Variants in EPRS1 observed in about 807,000 individuals in gnomAD.
The protein encoded by EPRS1 is bifunctional glutamate/proline--tRNA ligase.
Under a neutral mutation model 188.3 loss-of-function variants are expected in EPRS1, and 107 were observed. The ratio of observed to expected loss-of-function variants is 0.57; its 90% CI spans 0.49 to 0.67. EPRS1 has a LOEUF of 0.67. Among genes scored for constraint, EPRS1 ranks in the 30% least tolerant of loss-of-function variants. The probability of loss-of-function intolerance (pLI) is 0.00; values close to 1 mark genes in which losing one functional copy is unlikely to be tolerated. For synonymous variants in EPRS1, 596 were observed against 593.1 expected (o/e 1.00, Z -0.07); for missense variants, 1,577 against 1,802.2 (o/e 0.88, Z 2.26).
chr1:220,003,969 G>A (rs570127513), intron 16 of EPRS1, among the ~76,000 whole-genome samples: 51 of 152,286 alleles, frequency 3.3e-4, no homozygotes, highest in African/African-American at 1.2e-3. Context: ...AAGAGACGCC[G>A]TAACATGAAA....
At chr1:219,970,070 C>T (rs1660635509) in intron 30 of EPRS1, among the ~76,000 whole-genome samples, 1 of 152,198 alleles carries the variant, frequency 6.6e-6, no homozygotes, top group African/African-American at 2.4e-5. Flanking sequence ...AGTCCACCCA[C>T]CTCGGCCTCC....
chr1:220,003,996 C>G (rs983838891), intron 16 of EPRS1, among the ~76,000 whole-genome samples: 1 of 152,142 alleles, frequency 6.6e-6, no homozygotes, highest in African/African-American at 2.4e-5. Context: ...GCATATCAAA[C>G]TCAAAAGTTT....
At chr1:219,993,968 C>T (rs920405401) in intron 18 of EPRS1, among the ~76,000 whole-genome samples, 9 of 152,180 alleles carry the variant, frequency 5.9e-5, no homozygotes, top group African/African-American at 2.2e-4. Flanking sequence ...AGGCTAAATG[C>T]GTTCCATTCC....
intron 18 of EPRS1, among the ~76,000 whole-genome samples, chr1:219,989,974 C>G (rs1661087793): frequency 6.6e-6 from 1 of 151,850 alleles, no homozygotes; most frequent in Non-Finnish European, 1.5e-5. Context: ...AAATTTCCAC[C>G]AGCTAAAATA....
rs117764137 is a variant in EPRS1 at position 220,007,693 on chromosome 1, C to T, written c.1606-355G>A. Among the ~76,000 whole-genome samples, 269 of 152,334 alleles carry T rather than the reference C, an allele frequency of 1.8e-3. 7 individuals carry two copies. The East Asian group carries it at 0.044, about 25-fold the overall frequency. On this transcript the variant is annotated intron_variant, in intron 13 of 31. Coordinates refer to ENST00000366923, the MANE Select transcript of EPRS1 (RefSeq NM_004446.3). ...CTAAGATTACTTCCAGCCTACAAGACTCATTGATTTCACAGCTAAGACAGT... is the reference window on the plus strand; with the variant it reads ...CTAAGATTACTTCCAGCCTACAAGATTCATTGATTTCACAGCTAAGACAGT...
In EPRS1 at chr1:220,005,256, T is replaced by C. The variant is rs1263586976; in HGVS notation, c.2055A>G (p.Glu685=). The C allele has an allele frequency of 1.4e-6, 2 of 1,474,458 alleles. No individual in the cohort carries two copies. The highest frequency in any genetic ancestry group is 2.8e-5 in the African/African-American group (2 of 71,244). 91.3% of individuals were successfully genotyped at this position (1,474,458 alleles called of 1,614,324 possible). A position where few individuals can be genotyped will look rare whatever the true frequency, so the allele number is the denominator to read the frequency against. Residue 685 remains glutamate, a synonymous_variant, in exon 16 of 32, where the codon GAA becomes GAG. Transcript: ENST00000366923. ...RGFFICDQPY[E]PVSPYSCKEA... is the part of the protein sequence containing the mutation. ...CAGTTACATTTACTTACCTAACAGG[T>C]TCATAAGGTTGATCACATATGAAGA...
Position 219,968,889 on chromosome 1 carries a change from G to A in EPRS1, c.4456C>T (p.Leu1486Phe), listed in dbSNP as rs199545183. Residue 1486 changes from leucine to phenylalanine, a missense_variant, in exon 32 of 32, where the codon CTC becomes TTC. By Grantham distance (22) the Leu-to-Phe change is conservative. Coordinates refer to ENST00000366923, the MANE Select transcript of EPRS1 (RefSeq NM_004446.3). ...AKSLCIPFKP[L>F]CELQPGAKCV... ...TTGGCTCCAGGCTGCAGTTCACAGA[G>A]TGGTTTGAAGGGGATGCAAAGGCTT... The A allele has an allele frequency of 1.4e-4, 224 of 1,614,132 alleles. 1 individual carries two copies. In the Middle Eastern group the frequency reaches 5.4e-3, roughly 39 times the overall value.
chr1:219,987,150 T>C lies in EPRS1; in HGVS notation c.3030A>G (p.Lys1010=). 1 of 1,606,968 alleles carries C rather than the reference T, an allele frequency of 6.2e-7. No individual in the cohort carries two copies. The highest frequency in any genetic ancestry group is 2.2e-5 in the East Asian group (1 of 44,864). Residue 1010 remains lysine, a synonymous_variant, in exon 20 of 32, where the codon AAA becomes AAG. Transcript: ENST00000366923. ...TTTCTGCGATTCATTACCTGGTCTG[T>C]TTCTTAGGCCCCTGCCCTTCTCCTG... The part of the protein sequence containing the change: ...SGAGEGQGPK[K]QTRLGLEAKK...
At chr1:220,021,862 GT>G (rs11323724) in intron 9 of EPRS1, among the ~76,000 whole-genome samples, 128,377 of 148,972 alleles carry the variant, frequency 0.86, 55,622 homozygotes, top group African/African-American at 0.96. Flanking sequence ...ATAAAGTAGG[GT>G]TTTTTTTTTT....
At chr1:220,006,642 T>G (rs1412816729) in intron 14 of EPRS1, among the ~76,000 whole-genome samples, 1 of 152,180 alleles carries the variant, frequency 6.6e-6, no homozygotes, top group Admixed American at 6.5e-5. Context: ...TTATAAAATT[T>G]GAATTACTAT....
At chr1:219,982,242 C>T (rs749541303) in intron 23 of EPRS1, among the ~76,000 whole-genome samples, 7 of 152,126 alleles carry the variant, frequency 4.6e-5, no homozygotes, top group African/African-American at 1.4e-4. Context: ...ATTTACCATA[C>T]GTAATTTCAG....
chr1:220,023,386 T>G (rs953018826), intron 8 of EPRS1, among the ~76,000 whole-genome samples: 1 of 152,208 alleles, frequency 6.6e-6, no homozygotes, highest in Non-Finnish European at 1.5e-5. Context: ...TATAACTATT[T>G]TAATTTACTA....
At chr1:219,994,640 CTTTTTTTTT>C (rs71169424) in intron 18 of EPRS1, among the ~76,000 whole-genome samples, 1 of 109,494 alleles carries the variant, frequency 9.1e-6, no homozygotes, top group African/African-American at 3.6e-5. Flanking sequence ...GTAACTTCTT[CTTTTTTTTT>C]TTTTTTTTTT....
chr1:220,039,544 A>G (rs913336000), intron 2 of EPRS1, among the ~76,000 whole-genome samples: 1 of 147,550 alleles, frequency 6.8e-6, no homozygotes, highest in Non-Finnish European at 1.5e-5. Flanking sequence ...TTTGAGACAG[A>G]GTCTAACTCT....
At chr1:220,022,258 C>T (rs1661891565) in intron 9 of EPRS1, 89 bp downstream of exon 9, 2 of 1,175,202 alleles carry the variant, frequency 1.7e-6, no homozygotes, top group Non-Finnish European at 2.4e-6. Flanking sequence ...GGCCAGGTTT[C>T]TTGACTATTT....
chr1:220,024,403 A>G lies in EPRS1; in HGVS notation c.804T>C (p.Tyr268=), dbSNP rs767163148. 5.0e-6 allele frequency: 8 copies of G among 1,611,576 alleles called. No individual in the cohort carries two copies. The highest frequency in any genetic ancestry group is 1.7e-4 in the Middle Eastern group (1 of 6,054). The stretch of plus-strand genomic sequence containing the variant: ...TTATAGTTTCAAAATGATCCGAAGT[A>G]TAAGTAAATTGATCTGGTTTGATAT... ...MLHIKPDQFT[Y]TSDHFETIMK... Residue 268 remains tyrosine, a synonymous_variant, in exon 8 of 32, where the codon TAT becomes TAC. Coordinates refer to ENST00000366923, the MANE Select transcript of EPRS1 (RefSeq NM_004446.3).
At position 220,001,219 on chromosome 1, in the gene EPRS1, T is replaced by C; in HGVS notation, c.2100A>G (p.Ile700Met). ...CCTTTGTGTGCCCATCAGGAATGTA[T>C]ATCAAAACACACGGGGCTTCCTTGC... Reference protein sequence around the residue: ...YSCKEAPCVLIYIPDGHTKEM... With the variant: ...YSCKEAPCVLMYIPDGHTKEM... Residue 700 changes from isoleucine to methionine, a missense_variant, in exon 17 of 32, where the codon ATA (isoleucine) becomes ATG (methionine). By Grantham distance (10) the Ile-to-Met change is conservative. This residue lies in a region of EPRS1 where 1,278 missense variants were observed against 1,457.4 expected (regional missense o/e 0.88). Coordinates refer to ENST00000366923, the MANE Select transcript of EPRS1 (RefSeq NM_004446.3). The C allele has an allele frequency of 6.2e-7, 1 of 1,613,786 alleles. No individual in the cohort carries two copies. The highest frequency in any genetic ancestry group is 2.2e-5 in the East Asian group (1 of 44,864).
At chr1:220,038,268 G>C (rs1662225564) in intron 2 of EPRS1, among the ~76,000 whole-genome samples, 1 of 151,934 alleles carries the variant, frequency 6.6e-6, no homozygotes, top group Non-Finnish European at 1.5e-5. Flanking sequence ...TTTTAGTAGA[G>C]ATGGGGTTTC....
intron 30 of EPRS1, among the ~76,000 whole-genome samples, chr1:219,969,469 C>T (rs908250541): frequency 1.3e-5 from 2 of 152,150 alleles, no homozygotes; most frequent in Non-Finnish European, 1.5e-5. Context: ...ACTACACCTG[C>T]TCTACCTATC....
Sources: gnomAD v4.1 joint callset for allele counts (sites outside exome capture counted in the v4.1 genomes callset) on GRCh38, gnomAD v4.1.1 for gene constraint, gnomAD v4.1.1 regional missense constraint, MANE v1.5 for transcripts, NCBI Gene and HGNC (gene_info 2026-07-23, HGNC 2026-07-21) for gene names.